The following LEMD3 variants were observed in gnomAD, a reference collection of about 807,000 sequenced individuals.
LEMD3 encodes inner nuclear membrane protein Man1.
LEMD3 carries 33 observed loss-of-function variants against 95.2 expected under a neutral mutation model. The observed-to-expected ratio is 0.35, with a 90% confidence interval of 0.26 to 0.46. The LOEUF (loss-of-function observed/expected upper bound fraction) is 0.46. Among genes scored for constraint, LEMD3 ranks in the 20% least tolerant of loss-of-function variants. The probability of loss-of-function intolerance (pLI) is 1.00; values close to 1 mark genes in which losing one functional copy is unlikely to be tolerated. For missense variants in LEMD3, 1,210 were observed against 1,192.8 expected (o/e 1.01, Z -0.21); for synonymous variants, 525 against 474.6 (o/e 1.11, Z -1.38).
At chr12:65,175,769 C>T (rs1868701047) in intron 1 of LEMD3, among the ~76,000 whole-genome samples, 1 of 152,214 alleles carries the variant, frequency 6.6e-6, no homozygotes. Flanking sequence ...CTCCTGAGAT[C>T]TAGGTATACC....
intron 1 of LEMD3, among the ~76,000 whole-genome samples, chr12:65,192,599 C>A (rs1387742417): frequency 2.0e-5 from 3 of 151,864 alleles, no homozygotes; most frequent in African/African-American, 7.3e-5. Flanking sequence ...CTTATTATTT[C>A]TAGTTTTAAT....
chr12:65,193,916 G>A (rs937031832), intron 1 of LEMD3, among the ~76,000 whole-genome samples: 4 of 152,004 alleles, frequency 2.6e-5, no homozygotes, highest in African/African-American at 9.7e-5. Flanking sequence ...TAAACATCTA[G>A]TAAAGATAAC....
rs1868489690 is a variant in LEMD3, at chr12:65,170,369, A to T, written c.773A>T (p.Tyr258Phe). ...GTCCCCTACAGCTGCCGGGAAAACT[A>T]TTCGGACTCAGAGGAAGAGGACGAC... ...RLVPYSCREN[Y>F]SDSEEEDDDD... The change falls in exon 1 of 13, where the codon TAT becomes TTT. Residue 258 changes from tyrosine to phenylalanine, a missense_variant. Transcript: ENST00000308330. The T allele has an allele frequency of 6.2e-7, 1 of 1,613,472 alleles. No individual in the cohort carries two copies. Among genetic ancestry groups the T allele is most frequent in the Non-Finnish European group, 8.5e-7 (1 of 1,179,716 alleles).
At chr12:65,190,393 A>G (rs1443611510) in intron 1 of LEMD3, among the ~76,000 whole-genome samples, 1 of 152,130 alleles carries the variant, frequency 6.6e-6, no homozygotes, top group Non-Finnish European at 1.5e-5. Flanking sequence ...ATGTCAACAC[A>G]GACCCTAGGT....
intron 1 of LEMD3, among the ~76,000 whole-genome samples, chr12:65,178,620 C>G (rs922536936): frequency 6.6e-6 from 1 of 152,114 alleles, no homozygotes; most frequent in Admixed American, 6.5e-5. Flanking sequence ...CTAACCCTTA[C>G]GTAGCATTAA....
intron 10 of LEMD3, chr12:65,245,168 T>C (rs1319625439): frequency 2.0e-5 from 3 of 152,142 alleles, no homozygotes; most frequent in African/African-American, 7.4e-5. Flanking sequence ...TCTCACTCTG[T>C]TGCCCAGGGT....
rs758808182 is a variant in LEMD3, at chr12:65,218,601, G to T, written c.1677G>T (p.Glu559Asp). Residue 559 changes from glutamate to aspartate, a missense_variant, in exon 4 of 13, where the codon GAG becomes GAT. Coordinates refer to ENST00000308330, the MANE Select transcript of LEMD3 (RefSeq NM_014319.5). ...SSSQRTLSVQ[E>D]AAAYLKDLGP... ...GTCAAAGAACGCTTTCTGTTCAAGAGGCAGCTGCGTATTTAAAAGTAAGCA... is the reference window on the plus strand; with the variant it reads ...GTCAAAGAACGCTTTCTGTTCAAGATGCAGCTGCGTATTTAAAAGTAAGCA... 1 of 1,603,162 alleles carries T rather than the reference G, an allele frequency of 6.2e-7. No homozygotes were observed. Among genetic ancestry groups the T allele is most frequent in the East Asian group, 2.2e-5 (1 of 44,534 alleles).
At chr12:65,233,709 C>T (rs1870695630) in intron 4 of LEMD3, among the ~76,000 whole-genome samples, 2 of 152,112 alleles carry the variant, frequency 1.3e-5, no homozygotes, top group South Asian at 2.1e-4. Context: ...CTTGATTTCT[C>T]CCTATACCAG....
chr12:65,203,519 T>A (rs1480474136), intron 1 of LEMD3, among the ~76,000 whole-genome samples: 1 of 152,158 alleles, frequency 6.6e-6, no homozygotes, highest in Non-Finnish European at 1.5e-5. Flanking sequence ...TTATATGACT[T>A]CTATTTTAAA....
chr12:65,203,904 CTT>C (rs1292776340), intron 1 of LEMD3, among the ~76,000 whole-genome samples: 1 of 152,132 alleles, frequency 6.6e-6, no homozygotes, highest in Non-Finnish European at 1.5e-5. Context: ...TCACTGATAA[CTT>C]TTCTTGCTTT....
At chr12:65,206,079 C>A (rs1056161793) in intron 1 of LEMD3, among the ~76,000 whole-genome samples, 6 of 152,128 alleles carry the variant, frequency 3.9e-5, no homozygotes, top group African/African-American at 1.4e-4. Flanking sequence ...TAGTGAAATG[C>A]AGAAGTGTTT....
In LEMD3 at chr12:65,241,061, T is replaced by G; in HGVS notation, c.2279T>G (p.Ile760Arg). 2 of 1,614,004 alleles carry G rather than the reference T, an allele frequency of 1.2e-6. No homozygotes were observed. Among genetic ancestry groups the G allele is most frequent in the Non-Finnish European group, 1.7e-6 (2 of 1,179,876 alleles). The stretch of plus-strand genomic sequence containing the variant: ...GCATCCTGTGACAAAATATTAGTTA[T>G]ACCTTCTAAAGTATGGCAAGGTCAA... ...PSASCDKILV[I>R]PSKVWQGQAF... The change falls in exon 9 of 13, where the codon ATA (isoleucine) becomes AGA (arginine). Residue 760 changes from isoleucine to arginine, a missense_variant. Coordinates refer to ENST00000308330, the MANE Select transcript of LEMD3 (RefSeq NM_014319.5).
intron 4 of LEMD3, among the ~76,000 whole-genome samples, chr12:65,232,731 A>G (rs565821999): frequency 6.6e-6 from 1 of 152,156 alleles, no homozygotes; most frequent in Non-Finnish European, 1.5e-5. Context: ...CATAGTTTAT[A>G]TTTCCGTGAA....
intron 4 of LEMD3, among the ~76,000 whole-genome samples, chr12:65,225,203 T>C (rs1396554053): frequency 6.6e-6 from 1 of 152,216 alleles, no homozygotes; most frequent in Non-Finnish European, 1.5e-5. Flanking sequence ...ATTCTTAGAC[T>C]TCTACTTCTT....
At position 65,215,044 on chromosome 12, in the gene LEMD3, T is replaced by C. The variant is rs563157522; in HGVS notation, c.1561-933T>C. ...CCTGATGCACAAGTCTGTTTTACTC[T>C]CCTGCTAAATTTTCAGAATGAAGTC... On this transcript the variant is annotated intron_variant, in intron 2 of 12. Coordinates refer to ENST00000308330, the MANE Select transcript of LEMD3 (RefSeq NM_014319.5). Among the ~76,000 whole-genome samples, 16 of 152,330 alleles carry C rather than the reference T, an allele frequency of 1.1e-4. 1 individual carries two copies. The highest frequency in any genetic ancestry group is 1.0e-3 in the Admixed American group (16 of 15,302).
In LEMD3 at chr12:65,169,617, G is replaced by C. The variant is rs1352661201; in HGVS notation, c.21G>C (p.Ser7=). The C allele has an allele frequency of 6.3e-7, 1 of 1,588,286 alleles. No individual in the cohort carries two copies. Among genetic ancestry groups the C allele is most frequent in the East Asian group, 2.3e-5 (1 of 43,998 alleles). ...AGAAAATGGCGGCGGCAGCAGCTTCGGCGCCTCAGCAGCTCTCGGATGAGG... is the reference window on the plus strand; with the variant it reads ...AGAAAATGGCGGCGGCAGCAGCTTCCGCGCCTCAGCAGCTCTCGGATGAGG... MAAAAA[S]APQQLSDEEL... Residue 7 remains serine, a synonymous_variant, in exon 1 of 13, where the codon TCG becomes TCC. Coordinates refer to ENST00000308330, the MANE Select transcript of LEMD3 (RefSeq NM_014319.5).
rs117903182 is a variant in LEMD3, at chr12:65,181,796, G to A, written c.1522+10678G>A. Among the ~76,000 whole-genome samples, 1,297 of 152,036 alleles carry A rather than the reference G, an allele frequency of 8.5e-3. 16 individuals are homozygous for A. Among genetic ancestry groups the A allele is most frequent in the Middle Eastern group, 0.048 (14 of 294 alleles). ...TTTTTAAAAAAGGAAGAGACATGAA[G>A]AATGAATTTGCCAAAAATGAAAATG... is the stretch of plus-strand genomic sequence containing the variant. On this transcript the variant is annotated intron_variant, in intron 1 of 12. Transcript: ENST00000308330.
intron 1 of LEMD3, among the ~76,000 whole-genome samples, chr12:65,198,498 C>T (rs1014249922): frequency 1.3e-5 from 2 of 152,068 alleles, no homozygotes; most frequent in Non-Finnish European, 2.9e-5. Flanking sequence ...AACTTTTCTA[C>T]CTTGAGCAAT....
Position 65,241,191 on chromosome 12 carries a change from ACTCT to A in LEMD3, c.2305+108_2305+111del, listed in dbSNP as rs1870928052. ...CAATTCAAAGATGTATGAAGGCAAA[ACTCT>A]CTCGTTCTGTTTCGTAGAAGGAATC... On this transcript the variant is annotated intron_variant, in intron 9 of 12. Coordinates refer to ENST00000308330, the MANE Select transcript of LEMD3 (RefSeq NM_014319.5). 3.1e-6 allele frequency: 3 copies of A among 956,316 alleles called. No individual in the cohort carries two copies. The Admixed American group carries it at 5.9e-5, about 19-fold the overall frequency. 59.2% of individuals were successfully genotyped at this position (956,316 alleles called of 1,614,324 possible). A position where few individuals can be genotyped will look rare whatever the true frequency, so the allele number is the denominator to read the frequency against.
Sources: gnomAD v4.1 joint callset for allele counts (sites outside exome capture counted in the v4.1 genomes callset) on GRCh38, gnomAD v4.1.1 for gene constraint, MANE v1.5 for transcripts, NCBI Gene and HGNC (gene_info 2026-07-23, HGNC 2026-07-21) for gene names.